The following EPHA6 variants were observed in gnomAD, a reference collection of about 807,000 sequenced individuals.
EPHA6 encodes ephrin type-A receptor 6.
Under a neutral mutation model 112.0 loss-of-function variants are expected in EPHA6, and 50 were observed. That is an observed-to-expected ratio of 0.45 (90% CI 0.36 to 0.56). EPHA6 has a LOEUF of 0.56. EPHA6 is among the 20% of genes least tolerant of loss of function. The pLI is 0.00. For missense variants in EPHA6, 1,280 were observed against 1,417.4 expected, an observed-to-expected ratio of 0.90 and a Z score of 1.56; for synonymous variants, 529 against 490.7, an observed-to-expected ratio of 1.08 and a Z score of -1.03.
intron 2 of EPHA6, among the ~76,000 whole-genome samples, chr3:96,918,813 AAATT>A (rs1344204148): frequency 3.9e-5 from 6 of 152,106 alleles, no homozygotes; most frequent in African/African-American, 1.4e-4. Context: ...CTCATAAAGA[AAATT>A]AATGTTTGCG....
chr3:96,837,200 G>C (rs180994251), intron 1 of EPHA6, among the ~76,000 whole-genome samples: 33 of 152,202 alleles, frequency 2.2e-4, no homozygotes, highest in African/African-American at 7.9e-4. Flanking sequence ...CATAGCTTCT[G>C]TAACTGAAAA....
Position 97,589,909 on chromosome 3 carries a change from A to G in EPHA6, c.2387-2703A>G, listed in dbSNP as rs541463932. Among the ~76,000 whole-genome samples, 9 of 152,322 alleles carry G rather than the reference A, an allele frequency of 5.9e-5. No individual in the cohort carries two copies. In the South Asian group the frequency reaches 8.3e-4, roughly 14 times the overall value. On this transcript the variant is annotated intron_variant, in intron 11 of 17. Transcript: ENST00000389672. Reference sequence around the variant, plus strand: ...AATATCATTGAATAATAAATTCCACAATTAATTGAAAGAAAACAGACAGAC... The same window carrying G: ...AATATCATTGAATAATAAATTCCACGATTAATTGAAAGAAAACAGACAGAC...
intron 3 of EPHA6, among the ~76,000 whole-genome samples, chr3:97,190,316 G>A (rs1465176725): frequency 1.3e-5 from 2 of 152,074 alleles, no homozygotes; most frequent in African/African-American, 4.8e-5. Context: ...TCTTGTGGCT[G>A]GATTCCAGTT....
chr3:96,827,256 TGAAA>T (rs2033723658), intron 1 of EPHA6, among the ~76,000 whole-genome samples: 2 of 152,112 alleles, frequency 1.3e-5, no homozygotes, highest in East Asian at 3.9e-4. Flanking sequence ...AGAAAGCAGT[TGAAA>T]GAAAGTTGAG....
chr3:96,828,336 G>C (rs2033800476), intron 1 of EPHA6, among the ~76,000 whole-genome samples: 1 of 152,010 alleles, frequency 6.6e-6, no homozygotes, highest in Non-Finnish European at 1.5e-5. Context: ...TAACATGACA[G>C]CATTCCCACA....
At chr3:97,077,291 G>A (rs1367217342) in intron 3 of EPHA6, among the ~76,000 whole-genome samples, 1 of 147,524 alleles carries the variant, frequency 6.8e-6, no homozygotes. Flanking sequence ...AGTTTGTGGG[G>A]TTCAAGACTT....
intron 6 of EPHA6, chr3:97,439,531 A>G (rs2090027212): frequency 3.3e-6 from 2 of 611,492 alleles, no homozygotes; most frequent in Non-Finnish European, 4.1e-6. Context: ...GCGAGAAAAG[A>G]CAACAACTCT....
At chr3:97,713,918 G>A (rs1425179660) in intron 14 of EPHA6, among the ~76,000 whole-genome samples, 1 of 152,184 alleles carries the variant, frequency 6.6e-6, no homozygotes, top group African/African-American at 2.4e-5. Context: ...TCTTGGAAGG[G>A]CACTGGGAGG....
chr3:96,907,371 ATC>A (rs1403934343), intron 2 of EPHA6, among the ~76,000 whole-genome samples: 1 of 151,796 alleles, frequency 6.6e-6, no homozygotes, highest in African/African-American at 2.4e-5. Flanking sequence ...TATTCTGATT[ATC>A]TGTTCATTAT....
At chr3:97,644,632 A>C (rs374808406) in intron 14 of EPHA6, among the ~76,000 whole-genome samples, 6 of 151,810 alleles carry the variant, frequency 4.0e-5, no homozygotes, top group African/African-American at 7.3e-5. Context: ...CAGAAATACA[A>C]ACTACCATCA....
intron 3 of EPHA6, chr3:97,010,084 G>T: frequency 4.7e-6 from 6 of 1,286,102 alleles, no homozygotes; most frequent in South Asian, 1.3e-5. Context: ...AAAAGAAAAA[G>T]CAAAAGAGTA....
intron 3 of EPHA6, among the ~76,000 whole-genome samples, chr3:97,050,327 C>G (rs2213262): frequency 4.9e-4 from 74 of 152,130 alleles, no homozygotes; most frequent in Non-Finnish European, 9.4e-4. Context: ...AGGTAAGAAG[C>G]AGACATGCCA....
intron 14 of EPHA6, among the ~76,000 whole-genome samples, chr3:97,696,030 C>A (rs978558723): frequency 4.6e-5 from 7 of 152,192 alleles, no homozygotes; most frequent in Non-Finnish European, 1.0e-4. Flanking sequence ...CAAGTTGAAT[C>A]GATGATTTTT....
At chr3:97,591,565 T>C (rs1162288397) in intron 11 of EPHA6, among the ~76,000 whole-genome samples, 1 of 151,724 alleles carries the variant, frequency 6.6e-6, no homozygotes, top group Non-Finnish European at 1.5e-5. Flanking sequence ...TTTGTTTTGT[T>C]GGTGGGTGGG....
At chr3:97,098,069 C>T (rs2047295911) in intron 3 of EPHA6, among the ~76,000 whole-genome samples, 1 of 151,924 alleles carries the variant, frequency 6.6e-6, no homozygotes, top group Non-Finnish European at 1.5e-5. Flanking sequence ...ACATACCAAG[C>T]ACTCTTCCAG....
chr3:97,194,181 CT>C (rs1377814508), intron 3 of EPHA6, among the ~76,000 whole-genome samples: 2 of 151,572 alleles, frequency 1.3e-5, no homozygotes, highest in South Asian at 2.1e-4. Context: ...AGTTTTTCTA[CT>C]TTTTTTGATG....
intron 12 of EPHA6, among the ~76,000 whole-genome samples, chr3:97,604,202 A>G (rs974338305): frequency 2.8e-4 from 42 of 151,842 alleles, no homozygotes; most frequent in Non-Finnish European, 5.2e-4. Context: ...GAGGAAACAG[A>G]GACAGTGAGT....
chr3:97,562,836 A>G (rs1428522263), intron 11 of EPHA6, among the ~76,000 whole-genome samples: 1 of 152,166 alleles, frequency 6.6e-6, no homozygotes, highest in Non-Finnish European at 1.5e-5. Flanking sequence ...GTTCGGATAC[A>G]TCAGCAGCCA....
chr3:97,650,035 A>T (rs2094096414), intron 14 of EPHA6, among the ~76,000 whole-genome samples: 1 of 152,172 alleles, frequency 6.6e-6, no homozygotes, highest in Admixed American at 6.6e-5. Flanking sequence ...TAATCATCTA[A>T]TACAAAAGAT....
Sources: gnomAD v4.1 joint callset for allele counts (sites outside exome capture counted in the v4.1 genomes callset) on GRCh38, gnomAD v4.1.1 for gene constraint, MANE v1.5 for transcripts, NCBI Gene and HGNC (gene_info 2026-07-23, HGNC 2026-07-21) for gene names.